Variants in TRPC4AP observed in about 807,000 individuals in gnomAD.
The protein encoded by TRPC4AP is short transient receptor potential channel 4-associated protein.
A neutral mutation model predicts 99.0 loss-of-function variants in TRPC4AP; 45 were observed. The observed-to-expected ratio is 0.45, with a 90% CI of 0.36 to 0.58. The LOEUF is 0.58. Among genes scored for constraint, TRPC4AP ranks in the 20% least tolerant of loss-of-function variants. The pLI is 0.00. For synonymous variants in TRPC4AP, 408 were observed against 385.8 expected, an observed-to-expected ratio of 1.06 and a Z score of -0.67; for missense variants, 879 against 985.3, an observed-to-expected ratio of 0.89 and a Z score of 1.44.
rs1164069429 is a variant in TRPC4AP at position 35,004,663 on chromosome 20, C to A, written c.1937-93G>T. The A allele has an allele frequency of 3.8e-6, 4 of 1,064,922 alleles. No homozygotes were observed. In the Admixed American group the frequency reaches 8.1e-5, roughly 21 times the overall value. The allele number at this position is 1,064,922 out of a possible 1,614,324, so 66.0% of individuals were successfully genotyped here. A position where few individuals can be genotyped will look rare whatever the true frequency, so the allele number is the denominator to read the frequency against. On this transcript the variant is annotated intron_variant, in intron 16 of 18. Coordinates refer to ENST00000252015, the MANE Select transcript of TRPC4AP (RefSeq NM_015638.3). ...GTGGAGCCCCGCTTGGGTCCTGACT[C>A]TGAAGCTAGGAGCTCATCATCAAAA...
At chr20:35,084,974 G>A (rs994323798) in intron 1 of TRPC4AP, among the ~76,000 whole-genome samples, 1 of 152,134 alleles carries the variant, frequency 6.6e-6, no homozygotes, top group African/African-American at 2.4e-5. Flanking sequence ...TAGTGGAGAC[G>A]AGTAAGAAGG....
At position 35,069,423 on chromosome 20, in the gene TRPC4AP, T is replaced by C; in HGVS notation, c.298-11A>G. On this transcript the variant is annotated splice_polypyrimidine_tract_variant and intron_variant, in intron 2 of 18. Transcript: ENST00000252015. ...AAGAGGAGAAATTTCCTAGTTTTTTTAAAAAAAAGTACATACATTGTTTTA... is the reference window on the plus strand; with the variant it reads ...AAGAGGAGAAATTTCCTAGTTTTTTCAAAAAAAAGTACATACATTGTTTTA... The C allele has an allele frequency of 6.6e-7, 1 of 1,521,166 alleles. No individual in the cohort carries two copies. Among genetic ancestry groups the C allele is most frequent in the Non-Finnish European group, 9.1e-7 (1 of 1,101,406 alleles). The allele number at this position is 1,521,166 out of a possible 1,614,324, so 94.2% of individuals were successfully genotyped here.
intron 1 of TRPC4AP, among the ~76,000 whole-genome samples, chr20:35,090,267 A>C: frequency 6.6e-6 from 1 of 150,850 alleles, no homozygotes; most frequent in Admixed American, 6.6e-5. Flanking sequence ...GGGGGTCTCT[A>C]CTTCAACTTC....
chr20:35,067,781 T>C (rs1181557224), intron 3 of TRPC4AP, among the ~76,000 whole-genome samples: 1 of 152,118 alleles, frequency 6.6e-6, no homozygotes, highest in Non-Finnish European at 1.5e-5. Flanking sequence ...ATAACTAAAT[T>C]TATACAAAAC....
chr20:35,026,949 A>G (rs1191146606), intron 8 of TRPC4AP, among the ~76,000 whole-genome samples: 1 of 152,150 alleles, frequency 6.6e-6, no homozygotes, highest in East Asian at 1.9e-4. Context: ...TGGTTTTTAT[A>G]GTAGATTCCT....
intron 1 of TRPC4AP, 91 bp downstream of exon 1, chr20:35,092,523 C>G: frequency 7.3e-7 from 1 of 1,372,808 alleles, no homozygotes; most frequent in Non-Finnish European, 9.4e-7. Context: ...TTTGGCCCGT[C>G]CAGCGGCGGC....
At chr20:35,043,887 T>A (rs937496247) in intron 7 of TRPC4AP, among the ~76,000 whole-genome samples, 9 of 152,142 alleles carry the variant, frequency 5.9e-5, no homozygotes, top group Non-Finnish European at 1.3e-4. Flanking sequence ...CTATACATCA[T>A]TATCTATAAA....
intron 10 of TRPC4AP, among the ~76,000 whole-genome samples, chr20:35,013,420 A>C (rs2082682403): frequency 6.6e-6 from 1 of 152,126 alleles, no homozygotes; most frequent in South Asian, 2.1e-4. Flanking sequence ...CTCTACTAAA[A>C]ATACAAAAAT....
intron 9 of TRPC4AP, 36 bp from the exon 10 acceptor site, chr20:35,016,175 A>T: frequency 6.2e-7 from 1 of 1,613,018 alleles, no homozygotes; most frequent in East Asian, 2.2e-5. Flanking sequence ...ATTAAGACAA[A>T]TGTGCTTGAA....
chr20:35,079,861 A>T (rs571233744), intron 1 of TRPC4AP, among the ~76,000 whole-genome samples: 3 of 26,142 alleles, frequency 1.1e-4, no homozygotes, highest in South Asian at 2.4e-3. Flanking sequence ...TACTAAAAAT[A>T]AAAAAAAAAA....
At chr20:35,055,071 GA>G in intron 4 of TRPC4AP, 40 bp from the exon 5 acceptor site, 1 of 1,569,986 alleles carries the variant, frequency 6.4e-7, no homozygotes, top group Non-Finnish European at 8.8e-7. Context: ...TTTTCTCAAT[GA>G]AAAGATAGTA....
chr20:35,087,797 A>G (rs1297163742), intron 1 of TRPC4AP, among the ~76,000 whole-genome samples: 1 of 152,252 alleles, frequency 6.6e-6, no homozygotes, highest in Non-Finnish European at 1.5e-5. Flanking sequence ...GACAGAGGGC[A>G]GAACAAAACG....
At chr20:35,004,907 G>A (rs1211560774) in intron 16 of TRPC4AP, among the ~76,000 whole-genome samples, 4 of 152,238 alleles carry the variant, frequency 2.6e-5, no homozygotes, top group Middle Eastern at 3.4e-3. Context: ...GATCCATGAC[G>A]CTGCATTAAG....
chr20:35,079,733 G>GAGT (rs2084579661), intron 1 of TRPC4AP, among the ~76,000 whole-genome samples: 1 of 152,224 alleles, frequency 6.6e-6, no homozygotes, highest in South Asian at 2.1e-4. Context: ...GATGATAAAG[G>GAGT]AGTATTATGA....
chr20:35,047,991 G>A (rs2083599281), intron 6 of TRPC4AP, among the ~76,000 whole-genome samples: 1 of 152,078 alleles, frequency 6.6e-6, no homozygotes, highest in South Asian at 2.1e-4. Flanking sequence ...TTTATCAGTA[G>A]TATACAAGTG....
intron 7 of TRPC4AP, among the ~76,000 whole-genome samples, chr20:35,039,637 C>T (rs2083403895): frequency 6.6e-6 from 1 of 152,112 alleles, no homozygotes; most frequent in Non-Finnish European, 1.5e-5. Flanking sequence ...TCCTGCTTTC[C>T]AGCTTCATGT....
chr20:35,059,693 GAAGA>G (rs1180675947), intron 3 of TRPC4AP, among the ~76,000 whole-genome samples: 78 of 147,842 alleles, frequency 5.3e-4, no homozygotes, highest in African/African-American at 2.0e-3. Flanking sequence ...GAAGGAAGAA[GAAGA>G]AAGAAGAAGA....
chr20:35,079,546 C>T (rs543786670), intron 1 of TRPC4AP, among the ~76,000 whole-genome samples: 2 of 152,128 alleles, frequency 1.3e-5, no homozygotes, highest in South Asian at 4.2e-4. Flanking sequence ...GCAAACATCA[C>T]TGAAATTGAA....
intron 8 of TRPC4AP, among the ~76,000 whole-genome samples, chr20:35,022,074 A>G (rs1384538172): frequency 6.6e-6 from 1 of 152,168 alleles, no homozygotes; most frequent in African/African-American, 2.4e-5. Flanking sequence ...TCTGCAGCAG[A>G]CAGCTAGGGT....
Sources: allele counts gnomAD v4.1 joint callset (sites outside exome capture counted in the v4.1 genomes callset), GRCh38; gene constraint gnomAD v4.1.1; transcripts MANE v1.5; gene names NCBI Gene and HGNC (gene_info 2026-07-23, HGNC 2026-07-21).